Variants in TELO2 observed in about 807,000 individuals in gnomAD.
TELO2 encodes the protein telomere maintenance 2, also known as telomere length regulation protein TEL2 homolog.
In TELO2, 71 loss-of-function variants were observed where a neutral mutation model predicts 91.0. The observed-to-expected ratio is 0.78, with a 90% CI of 0.64 to 0.95. The LOEUF (loss-of-function observed/expected upper bound fraction) is 0.95. Among genes scored for constraint, TELO2 ranks in the 40% least tolerant of loss-of-function variants. The pLI is 0.00. For missense variants in TELO2, 1,183 were observed against 1,141.3 expected (o/e 1.04, Z -0.53); for synonymous variants, 584 against 518.9 (o/e 1.13, Z -1.71).
chr16:1,499,764 C>T (rs1429906120), intron 6 of TELO2, among the ~76,000 whole-genome samples: 2 of 152,266 alleles, frequency 1.3e-5, no homozygotes, highest in Non-Finnish European at 2.9e-5. Flanking sequence ...CCGGCCACAT[C>T]TTGCTTCACC....
intron 20 of TELO2, among the ~76,000 whole-genome samples, 157 bp downstream of exon 20, chr16:1,507,873 T>TGTCGGCCCGGG (rs2039967101): frequency 1.2e-5 from 1 of 83,450 alleles, no homozygotes. Context: ...TGTGTGTGTG[T>TGTCGGCCCGGG]GTGTGTGTGT....
intron 5 of TELO2, among the ~76,000 whole-genome samples, chr16:1,498,468 T>C (rs1418606126): frequency 6.6e-6 from 1 of 152,140 alleles, no homozygotes; most frequent in Non-Finnish European, 1.5e-5. Context: ...GACAGGATCT[T>C]GCTCTGTCTC....
rs777903892 is a variant in TELO2, at chr16:1,495,442, G to T, written c.432G>T (p.Gln144His). ...TGATGGAGGCGCAGTGTCGGCAGCAGACGCAGCCCGGCTTCATCCTGCTCC... is the reference window on the plus strand; with the variant it reads ...TGATGGAGGCGCAGTGTCGGCAGCATACGCAGCCCGGCTTCATCCTGCTCC... Reference protein sequence around the residue: ...AVLMEAQCRQQTQPGFILLRE... With the variant: ...AVLMEAQCRQHTQPGFILLRE... Residue 144 changes from glutamine (Q) to histidine (H), a missense_variant, in exon 3 of 21, where the codon CAG becomes CAT. By Grantham distance (24) the Gln-to-His change is conservative (BLOSUM62 0). Coordinates refer to ENST00000262319, the MANE Select transcript of TELO2 (RefSeq NM_016111.4). 1.2e-5 allele frequency: 19 copies of T among 1,603,808 alleles called. No homozygotes were observed. The highest frequency in any genetic ancestry group is 1.6e-5 in the Non-Finnish European group (19 of 1,176,470).
Position 1,494,432 on chromosome 16 carries a change from AAGG to A in TELO2, c.157_159del (p.Glu53del), listed in dbSNP as rs750631912. 13 of 1,613,014 alleles carry A rather than the reference AAGG, an allele frequency of 8.1e-6. No individual in the cohort carries two copies. The highest frequency in any genetic ancestry group is 4.0e-5 in the African/African-American group (3 of 74,730). On this transcript the variant is annotated inframe_deletion, in exon 2 of 21. Coordinates refer to ENST00000262319, the MANE Select transcript of TELO2 (RefSeq NM_016111.4). This position sits in a 1 kb window ranked among gnomAD's most constrained non-coding sequence, Gnocchi z 5.6. ...GGAGCCTCCAGCGCTCCCGAGGGAG[AAGG>A]AGGAGTTTGCCTCGGCCCACTTCTC...
At chr16:1,496,633 T>C (rs886135591) in intron 3 of TELO2, among the ~76,000 whole-genome samples, 3 of 151,980 alleles carry the variant, frequency 2.0e-5, no homozygotes, top group African/African-American at 7.2e-5. Flanking sequence ...TTCCCTGGAG[T>C]GCGCTCCTTC....
chr16:1,502,130 T>C lies in TELO2; in HGVS notation c.1556T>C (p.Val519Ala). ...SKAPAYVRDC[V>A]EALTTSEDIE... ...GCTCCTGCCTACGTCCGGGACTGCG[T>C]GGAAGGTGGGCACGGGCCCCTGGAG... Residue 519 changes from valine to alanine, a missense_variant, in exon 12 of 21, where the codon GTG (valine) becomes GCG (alanine). Val to Ala is a moderately conservative substitution (Grantham distance 64). Coordinates refer to ENST00000262319, the MANE Select transcript of TELO2 (RefSeq NM_016111.4). 8.1e-6 allele frequency: 13 copies of C among 1,612,760 alleles called. No homozygotes were observed. Among genetic ancestry groups the C allele is most frequent in the Non-Finnish European group, 1.1e-5 (13 of 1,179,926 alleles).
Position 1,494,442 on chromosome 16 carries a change from T to C in TELO2, c.161T>C (p.Phe54Ser). ...PPALPREKEE[F>S]ASAHFSPVLR... ...GCGCTCCCGAGGGAGAAGGAGGAGT[T>C]TGCCTCGGCCCACTTCTCGCCTGTC... The change falls in exon 2 of 21, where the codon TTT becomes TCT. Residue 54 changes from phenylalanine to serine, a missense_variant. Phe to Ser is a radical substitution (Grantham distance 155). Coordinates refer to ENST00000262319, the MANE Select transcript of TELO2 (RefSeq NM_016111.4). The surrounding 1 kb of genome is among the most constrained non-coding windows in gnomAD (Gnocchi z 5.6). 1 of 1,613,298 alleles carries C rather than the reference T, an allele frequency of 6.2e-7. No individual in the cohort carries two copies. The highest frequency in any genetic ancestry group is 8.5e-7 in the Non-Finnish European group (1 of 1,179,940).
Position 1,495,602 on chromosome 16 carries a change from G to A in TELO2, c.592G>A (p.Ala198Thr), listed in dbSNP as rs926165620. Reference protein sequence around the residue: ...LGEEVVRVLQAVVDSLQGGLD... With the variant: ...LGEEVVRVLQTVVDSLQGGLD... ...CGAGGAGGTCGTCCGGGTGCTGCAG[G>A]CGGTTGTGGACTCTCTCCAAGGTGA... Residue 198 changes from alanine (A) to threonine (T), a missense_variant, in exon 3 of 21, where the codon GCG (alanine) becomes ACG (threonine). Coordinates refer to ENST00000262319, the MANE Select transcript of TELO2 (RefSeq NM_016111.4). 2.5e-6 allele frequency: 4 copies of A among 1,604,166 alleles called. No homozygotes were observed. Among genetic ancestry groups the A allele is most frequent in the South Asian group, 2.2e-5 (2 of 90,658 alleles).
Position 1,507,621 on chromosome 16 carries a change from T to A in TELO2, c.2312T>A (p.Leu771Ter). The A allele has an allele frequency of 6.3e-7, 1 of 1,595,026 alleles. No individual in the cohort carries two copies. The highest frequency in any genetic ancestry group is 1.1e-5 in the South Asian group (1 of 89,850). Residue 771 changes from leucine (L) to a stop codon, truncating the protein, a stop_gained, in exon 20 of 21, where the codon TTG (leucine) becomes TAG (stop). Coordinates refer to ENST00000262319, the MANE Select transcript of TELO2 (RefSeq NM_016111.4). LOFTEE classifies it high-confidence loss of function. Reference sequence around the variant, plus strand: ...GGCAGCTACGTGCGCCAGGGGCTGTTGTCGGCCGTCTCCTCCGTCCTGCTC... The same window carrying A: ...GGCAGCTACGTGCGCCAGGGGCTGTAGTCGGCCGTCTCCTCCGTCCTGCTC... ...HIDAYVRQGL[L>*]SAVSSVLLSL...
In TELO2 at chr16:1,495,367, G is replaced by A; in HGVS notation, c.357G>A (p.Lys119=). 1 of 1,556,730 alleles carries A rather than the reference G, an allele frequency of 6.4e-7. No homozygotes were observed. The highest frequency in any genetic ancestry group is 8.7e-7 in the Non-Finnish European group (1 of 1,150,170). Reference sequence around the variant, plus strand: ...TCAGCCCCAGCTTCCGGCTGATGAAGATGGCGCGGCTGCTGGCCAGATTCC... The same window carrying A: ...TCAGCCCCAGCTTCCGGCTGATGAAAATGGCGCGGCTGCTGGCCAGATTCC... ...GAAGPSFRLM[K]MARLLARFLR... The change falls in exon 3 of 21, where the codon AAG becomes AAA. Residue 119 remains lysine, a synonymous_variant. Transcript: ENST00000262319.
In TELO2 at chr16:1,494,483, A is replaced by G. The variant is rs1248974315; in HGVS notation, c.202A>G (p.Ser68Gly). The G allele has an allele frequency of 5.6e-6, 9 of 1,613,286 alleles. No homozygotes were observed. Among genetic ancestry groups the G allele is most frequent in the Non-Finnish European group, 5.1e-6 (6 of 1,179,940 alleles). The change falls in exon 2 of 21, where the codon AGC (serine) becomes GGC (glycine). Residue 68 changes from serine (S) to glycine (G), a missense_variant. Coordinates refer to ENST00000262319, the MANE Select transcript of TELO2 (RefSeq NM_016111.4). This position sits in a 1 kb window ranked among gnomAD's most constrained non-coding sequence, Gnocchi z 5.6. ...HFSPVLRCLA[S>G]RLSPAWLELL... is the part of the protein sequence containing the mutation. ...CTCGCCTGTCCTCAGATGTCTTGCC[A>G]GCAGGCTGAGCCCAGCCTGGCTGGA...
chr16:1,501,702 G>A lies in TELO2; in HGVS notation c.1401G>A (p.Glu467=), dbSNP rs368172964. 3.1e-6 allele frequency: 5 copies of A among 1,612,506 alleles called. No homozygotes were observed. Among genetic ancestry groups the A allele is most frequent in the Non-Finnish European group, 4.2e-6 (5 of 1,179,706 alleles). ...CAGCCACGGCAGAGCCCCCTGCAGA[G>A]ACCCCCGCAGAGATCGTGGATGGCG... The part of the protein sequence containing the change: ...LVPATAEPPA[E]TPAEIVDGGV... Residue 467 remains glutamate, a synonymous_variant, in exon 11 of 21, where the codon GAG becomes GAA. Transcript: ENST00000262319.
intron 17 of TELO2, 107 bp downstream of exon 17, chr16:1,506,436 A>G (rs1007997283): frequency 1.1e-5 from 17 of 1,591,038 alleles, no homozygotes; most frequent in Non-Finnish European, 1.5e-5. Flanking sequence ...GGGTGTGAAC[A>G]GGGTCGTGCT....
At position 1,499,213 on chromosome 16, in the gene TELO2, CCT is replaced by C. The variant is rs2039592499; in HGVS notation, c.831-17_831-16del. 1 of 1,613,486 alleles carries C rather than the reference CCT, an allele frequency of 6.2e-7. No homozygotes were observed. Among genetic ancestry groups the C allele is most frequent in the Non-Finnish European group, 8.5e-7 (1 of 1,179,818 alleles). ...TCCAGGCCGGCTTGCAGCTCTGGCC[CCT>C]GACTCTGTCTTGCAGGCCTGAGGTC... On this transcript the variant is annotated splice_polypyrimidine_tract_variant and intron_variant, in intron 5 of 20. Coordinates refer to ENST00000262319, the MANE Select transcript of TELO2 (RefSeq NM_016111.4).
intron 15 of TELO2, among the ~76,000 whole-genome samples, chr16:1,504,702 C>T (rs994478473): frequency 4.0e-4 from 60 of 151,202 alleles, no homozygotes; most frequent in African/African-American, 1.2e-3. Flanking sequence ...GGACTACAGG[C>T]GCCCGCCACC....
At position 1,494,029 on chromosome 16, in the gene TELO2, G is replaced by A. The variant is rs927107042; in HGVS notation, c.-36-217G>A. Reference sequence around the variant, plus strand: ...AATGTTCCCTGGGCACAGTGGCCCGGGTTGAGAAGCCCTGCAGTGGCTGGT... The same window carrying A: ...AATGTTCCCTGGGCACAGTGGCCCGAGTTGAGAAGCCCTGCAGTGGCTGGT... On this transcript the variant is annotated intron_variant, in intron 1 of 20. Transcript: ENST00000262319. This position sits in a 1 kb window ranked among gnomAD's most constrained non-coding sequence, Gnocchi z 5.6. Among the ~76,000 whole-genome samples the A allele has an allele frequency of 1.3e-5, 2 of 152,224 alleles. No individual in the cohort carries two copies. The highest frequency in any genetic ancestry group is 2.4e-5 in the African/African-American group (1 of 41,468).
rs1192348211 is a variant in TELO2 at position 1,493,810 on chromosome 16, G to T, written c.-37+205G>T. Among the ~76,000 whole-genome samples, 2 of 152,240 alleles carry T rather than the reference G, an allele frequency of 1.3e-5. No individual in the cohort carries two copies. The highest frequency in any genetic ancestry group is 4.8e-5 in the African/African-American group (2 of 41,470). ...TCCCCGTAAGCTGTTGGTTTCTAAG[G>T]GGCGGAGGAATGGCGACTGGAGCCA... On this transcript the variant is annotated intron_variant, in intron 1 of 20. Coordinates refer to ENST00000262319, the MANE Select transcript of TELO2 (RefSeq NM_016111.4). The surrounding 1 kb of genome is among the most constrained non-coding windows in gnomAD (Gnocchi z 4.3).
rs747647917 is a variant in TELO2 at position 1,505,501 on chromosome 16, T to G, written c.1934T>G (p.Leu645Arg). 11 of 1,613,032 alleles carry G rather than the reference T, an allele frequency of 6.8e-6. No individual in the cohort carries two copies. Among genetic ancestry groups the G allele is most frequent in the Non-Finnish European group, 9.3e-6 (11 of 1,180,008 alleles). The change falls in exon 16 of 21, where the codon CTG (leucine) becomes CGG (arginine). Residue 645 changes from leucine (L) to arginine (R), a missense_variant. By Grantham distance (102) the Leu-to-Arg change is moderately radical. Transcript: ENST00000262319. This position sits in a 1 kb window ranked among gnomAD's most constrained non-coding sequence, Gnocchi z 4.3. ...PGSPSPNTPCLPEAAVSQPGS... is the reference protein window; with the variant it reads ...PGSPSPNTPCRPEAAVSQPGS... ...TCCCCAAGTCCCAACACCCCGTGCC[T>G]GCCAGAGGCAGCCGTCTCTCAGCCT...
In TELO2 at chr16:1,506,920, C is replaced by A. The variant is rs530403629; in HGVS notation, c.2127-32C>A. On this transcript the variant is annotated intron_variant, in intron 17 of 20. Coordinates refer to ENST00000262319, the MANE Select transcript of TELO2 (RefSeq NM_016111.4). ...GTTGGGGACCTGGCCCTGAGGCACC[C>A]GCTGCACCTTGGGCTCCATCCTGTG... is the stretch of plus-strand genomic sequence containing the variant. The A allele has an allele frequency of 2.5e-6, 4 of 1,574,204 alleles. No homozygotes were observed. The Admixed American group carries it at 5.4e-5, about 21-fold the overall frequency.
Sources: gnomAD v4.1 joint callset for allele counts (sites outside exome capture counted in the v4.1 genomes callset) on GRCh38, gnomAD v4.1.1 for gene constraint, Gnocchi (gnomAD v3.1) non-coding constraint, MANE v1.5 for transcripts, NCBI Gene and HGNC (gene_info 2026-07-23, HGNC 2026-07-21) for gene names.